Variants in LARGE1 observed in about 807,000 individuals in gnomAD.
The protein encoded by LARGE1 is xylosyl- and glucuronyltransferase LARGE1.
In LARGE1, 43 loss-of-function variants were observed where a neutral mutation model predicts 87.6. The ratio of observed to expected loss-of-function variants is 0.49; its 90% confidence interval spans 0.38 to 0.63. The LOEUF (loss-of-function observed/expected upper bound fraction) is 0.63. Ranked by LOEUF, LARGE1 falls within the 30% of genes least tolerant of loss-of-function variation. LARGE1 has a pLI of 0.00. For missense variants in LARGE1, 802 were observed against 1,000.2 expected (o/e 0.80, Z 2.67); for synonymous variants, 434 against 394.6 (o/e 1.10, Z -1.18).
At chr22:33,574,158 T>C (rs191310460) in intron 5 of LARGE1, among the ~76,000 whole-genome samples, 1 of 152,346 alleles carries the variant, frequency 6.6e-6, no homozygotes, top group African/African-American at 2.4e-5. Flanking sequence ...TCTGTAATTA[T>C]AGAATGTTAT....
At chr22:33,601,078 A>T (rs944432604) in intron 5 of LARGE1, among the ~76,000 whole-genome samples, 3 of 152,072 alleles carry the variant, frequency 2.0e-5, no homozygotes, top group African/African-American at 7.2e-5. Flanking sequence ...TGCAAAACAA[A>T]CAAACAAACA....
At chr22:33,693,033 T>G (rs2082139918) in intron 2 of LARGE1, among the ~76,000 whole-genome samples, 1 of 152,166 alleles carries the variant, frequency 6.6e-6, no homozygotes, top group Non-Finnish European at 1.5e-5. Flanking sequence ...AAAGAAAATG[T>G]GGTGCATATA....
intron 11 of LARGE1, among the ~76,000 whole-genome samples, chr22:33,203,066 ACTCTCTCTCT>A (rs35446457): frequency 0.03 from 4,162 of 139,426 alleles, 192 homozygotes; most frequent in African/African-American, 0.1. Flanking sequence ...TAGAATCTAA[ACTCTCTCTCT>A]CTCTCTCTCT....
chr22:33,759,915 C>T (rs1333148172), intron 2 of LARGE1, among the ~76,000 whole-genome samples: 1 of 152,126 alleles, frequency 6.6e-6, no homozygotes, highest in African/African-American at 2.4e-5. Flanking sequence ...AGGGATGCAC[C>T]TAAAGGGTGG....
chr22:33,495,832 C>T lies in LARGE1; in HGVS notation c.788-63567G>A, dbSNP rs1273272447. ...TGATCACGGTAGACTCTAACTGGAT[C>T]TGCTGTGGTCTGAGGGTCTGTGTTC... On this transcript the variant is annotated intron_variant, in intron 6 of 14. Coordinates refer to ENST00000397394, the MANE Select transcript of LARGE1 (RefSeq NM_133642.5). Among the ~76,000 whole-genome samples the T allele has an allele frequency of 3.3e-5, 5 of 152,168 alleles. No homozygotes were observed. The East Asian group carries it at 9.6e-4, about 29-fold the overall frequency.
intron 11 of LARGE1, among the ~76,000 whole-genome samples, chr22:33,191,906 A>C (rs1262353227): frequency 6.6e-6 from 1 of 152,210 alleles, no homozygotes; most frequent in East Asian, 1.9e-4. Context: ...CTAGTGTATC[A>C]ACACAGACTG....
chr22:33,174,920 C>T (rs536689019), intron 11 of LARGE1, among the ~76,000 whole-genome samples: 1 of 152,296 alleles, frequency 6.6e-6, no homozygotes, highest in South Asian at 2.1e-4. Flanking sequence ...GGAGCTGGTA[C>T]CATTCCTTCT....
intron 1 of LARGE1, among the ~76,000 whole-genome samples, chr22:33,854,491 A>G (rs547877960): frequency 1.3e-5 from 2 of 152,282 alleles, no homozygotes; most frequent in Admixed American, 1.3e-4. Context: ...GTACAAGGTA[A>G]ATCCCCCAGT....
intron 1 of LARGE1, among the ~76,000 whole-genome samples, chr22:33,834,671 G>A (rs941343324): frequency 1.3e-5 from 2 of 152,152 alleles, no homozygotes; most frequent in East Asian, 1.9e-4. Flanking sequence ...CTCTTCACAC[G>A]GACGCGAGTG....
downstream of LARGE1, among the ~76,000 whole-genome samples, chr22:33,267,931 G>A (rs1928037524): frequency 6.6e-6 from 1 of 150,920 alleles, no homozygotes; most frequent in Admixed American, 6.6e-5. Context: ...TAGATTATGT[G>A]GACCCATACA....
At chr22:33,794,657 G>T (rs752880241) in intron 1 of LARGE1, among the ~76,000 whole-genome samples, 1 of 152,042 alleles carries the variant, frequency 6.6e-6, no homozygotes, top group African/African-American at 2.4e-5. Context: ...GTCTCGCTCT[G>T]TCGCCCAGGC....
At chr22:33,202,854 A>G (rs1047007604) in intron 11 of LARGE1, among the ~76,000 whole-genome samples, 15 of 152,212 alleles carry the variant, frequency 9.9e-5, no homozygotes, top group African/African-American at 3.6e-4. Context: ...ACACAGTGGA[A>G]AAGACAGCAC....
At chr22:33,345,634 G>A (rs970179336) in intron 9 of LARGE1, among the ~76,000 whole-genome samples, 3 of 152,176 alleles carry the variant, frequency 2.0e-5, no homozygotes, top group Non-Finnish European at 4.4e-5. Flanking sequence ...ACTTGGAGTC[G>A]GCCTCTACTG....
intron 1 of LARGE1, among the ~76,000 whole-genome samples, chr22:33,863,567 C>A (rs1187874656): frequency 6.6e-6 from 1 of 150,928 alleles, no homozygotes; most frequent in Non-Finnish European, 1.5e-5. Context: ...ACCAGCCTGA[C>A]CAACATGGTG....
intron 1 of LARGE1, among the ~76,000 whole-genome samples, chr22:33,789,682 G>A (rs2085762069): frequency 6.6e-6 from 1 of 152,180 alleles, no homozygotes; most frequent in Non-Finnish European, 1.5e-5. Flanking sequence ...TGTGAGACAT[G>A]GAATCAAAGG....
At chr22:33,718,878 C>A (rs1456801294) in intron 2 of LARGE1, among the ~76,000 whole-genome samples, 1 of 152,184 alleles carries the variant, frequency 6.6e-6, no homozygotes, top group Non-Finnish European at 1.5e-5. Context: ...GCAACCTCCA[C>A]CTCCCAGGTT....
the LARGE1 span, among the ~76,000 whole-genome samples, chr22:33,087,317 C>G: frequency 1.3e-5 from 2 of 151,876 alleles, no homozygotes; most frequent in South Asian, 4.2e-4. Context: ...AATTTAATTA[C>G]CAATTAAGAT....
At chr22:33,471,046 T>G (rs940138319) in intron 6 of LARGE1, among the ~76,000 whole-genome samples, 4 of 150,802 alleles carry the variant, frequency 2.7e-5, no homozygotes, top group East Asian at 3.9e-4. Flanking sequence ...TTTTTTTTTT[T>G]TGAGAGAGTC....
chr22:33,402,598 T>C (rs1230515122), intron 7 of LARGE1, among the ~76,000 whole-genome samples: 1 of 152,166 alleles, frequency 6.6e-6, no homozygotes, highest in African/African-American at 2.4e-5. Flanking sequence ...ATGGTACTCT[T>C]CTGCAAAATG....
Sources: allele counts gnomAD v4.1 joint callset (sites outside exome capture counted in the v4.1 genomes callset), GRCh38; gene constraint gnomAD v4.1.1; transcripts MANE v1.5; gene names NCBI Gene and HGNC (gene_info 2026-07-23, HGNC 2026-07-21).